KIAA1549L: variants seen among roughly 807,000 people sequenced by gnomAD.
KIAA1549L encodes UPF0606 protein KIAA1549L.
In KIAA1549L, 88 loss-of-function variants were observed where a neutral mutation model predicts 160.7. The observed-to-expected ratio is 0.55, with a 90% CI of 0.46 to 0.65. The LOEUF (loss-of-function observed/expected upper bound fraction) is 0.65. Among genes scored for constraint, KIAA1549L ranks in the 30% least tolerant of loss-of-function variants. The pLI, the probability that KIAA1549L is intolerant of heterozygous loss-of-function variation, is 0.00. For synonymous variants in KIAA1549L, 950 were observed against 976.7 expected (o/e 0.97, Z 0.51); for missense variants, 2,258 against 2,437.5 (o/e 0.93, Z 1.55).
chr11:33,525,396 A>G (rs1189508885), intron 1 of KIAA1549L, among the ~76,000 whole-genome samples: 1 of 152,214 alleles, frequency 6.6e-6, no homozygotes, highest in Non-Finnish European at 1.5e-5. Context: ...AAGCAGCAGC[A>G]GGAAGAACCC....
intron 1 of KIAA1549L, among the ~76,000 whole-genome samples, chr11:33,399,656 C>G (rs745907792): frequency 6.6e-6 from 1 of 152,188 alleles, no homozygotes; most frequent in South Asian, 2.1e-4. Context: ...ATCTGTTCCC[C>G]CTCACCCTCC....
intron 1 of KIAA1549L, among the ~76,000 whole-genome samples, chr11:33,378,652 T>C (rs1336229064): frequency 6.6e-6 from 1 of 152,218 alleles, no homozygotes; most frequent in Non-Finnish European, 1.5e-5. Flanking sequence ...TCCTCTATGC[T>C]TTTTGGATGC....
rs952650510 is a variant in KIAA1549L, at chr11:33,394,395, AAAT to A, written c.238+17509_238+17511del. 2.4e-4 allele frequency among the ~76,000 whole-genome samples: 14 copies of A among 57,670 alleles called. 1 individual carries two copies. The Admixed American group carries it at 3.0e-3, about 13-fold the overall frequency. 37.8% of individuals were successfully genotyped at this position (57,670 alleles called of 152,430 possible). A position where few individuals can be genotyped will look rare whatever the true frequency, so the allele number is the denominator to read the frequency against. On this transcript the variant is annotated intron_variant, in intron 1 of 20. Coordinates refer to ENST00000658780, the MANE Select transcript of KIAA1549L (RefSeq NM_012194.3). Reference sequence around the variant, plus strand: ...AGCCAGATCCTAACTCATAAATAATAAATAAATAAATAAATAAATAAATAAACA... The same window carrying A: ...AGCCAGATCCTAACTCATAAATAATAAAATAAATAAATAAATAAATAAACA...
At chr11:33,584,057 AT>A (rs1392189868) in intron 11 of KIAA1549L, among the ~76,000 whole-genome samples, 1 of 152,190 alleles carries the variant, frequency 6.6e-6, no homozygotes, top group South Asian at 2.1e-4. Context: ...AATGAGATTA[AT>A]GCCCTTAGAA....
intron 10 of KIAA1549L, among the ~76,000 whole-genome samples, chr11:33,582,784 C>T (rs983138645): frequency 2.0e-5 from 3 of 152,162 alleles, no homozygotes; most frequent in Non-Finnish European, 2.9e-5. Flanking sequence ...TGAGAACAGC[C>T]TGAGTCTTTT....
chr11:33,608,289 G>A (rs1850560145), intron 14 of KIAA1549L, among the ~76,000 whole-genome samples: 1 of 152,152 alleles, frequency 6.6e-6, no homozygotes, highest in Non-Finnish European at 1.5e-5. Flanking sequence ...CACACAATAA[G>A]CACTTTGATG....
intron 1 of KIAA1549L, among the ~76,000 whole-genome samples, chr11:33,395,666 TG>T (rs565468871): frequency 1.4e-4 from 22 of 152,082 alleles, no homozygotes; most frequent in Non-Finnish European, 5.9e-5. Flanking sequence ...ACTGCTAGGG[TG>T]AAAAAAACAG....
intron 15 of KIAA1549L, among the ~76,000 whole-genome samples, chr11:33,617,710 G>C (rs1401202274): frequency 6.6e-6 from 1 of 152,178 alleles, no homozygotes; most frequent in Non-Finnish European, 1.5e-5. Flanking sequence ...GCCATAATCT[G>C]TTTTGTTCAC....
chr11:33,459,883 C>T (rs1851905431), intron 1 of KIAA1549L, among the ~76,000 whole-genome samples: 1 of 142,892 alleles, frequency 7.0e-6, no homozygotes, highest in Admixed American at 7.2e-5. Flanking sequence ...ATGGCGTGAA[C>T]CCGGGAGGCA....
chr11:33,556,356 A>C (rs551809484), intron 6 of KIAA1549L, among the ~76,000 whole-genome samples: 1 of 152,336 alleles, frequency 6.6e-6, no homozygotes, highest in East Asian at 1.9e-4. Context: ...GTATTTATAC[A>C]CCCATGTTCA....
At chr11:33,591,612 G>T (rs559592414) in intron 12 of KIAA1549L, among the ~76,000 whole-genome samples, 191 bp downstream of exon 12, 1 of 152,342 alleles carries the variant, frequency 6.6e-6, no homozygotes, top group South Asian at 2.1e-4. Flanking sequence ...GCTACGCTTT[G>T]TAAGGTTTTA....
intron 1 of KIAA1549L, among the ~76,000 whole-genome samples, chr11:33,492,008 G>T (rs1368997052): frequency 1.3e-5 from 2 of 152,122 alleles, no homozygotes; most frequent in Non-Finnish European, 2.9e-5. Flanking sequence ...CCTTTTTGTG[G>T]GTTACCAACC....
chr11:33,665,399 G>C (rs761895988), intron 20 of KIAA1549L: 4 of 152,092 alleles, frequency 2.6e-5, no homozygotes, highest in Non-Finnish European at 4.4e-5. Flanking sequence ...TCTCAGCAGA[G>C]AGGAGGCCCT....
intron 1 of KIAA1549L, among the ~76,000 whole-genome samples, chr11:33,485,489 T>C (rs113753455): frequency 9.8e-5 from 15 of 152,322 alleles, no homozygotes; most frequent in Non-Finnish European, 2.2e-4. Context: ...ATTTATTTTT[T>C]AATTGGCAAA....
At chr11:33,606,858 G>T (rs551804099) in intron 14 of KIAA1549L, 36 bp downstream of exon 14, 12 of 1,534,874 alleles carry the variant, frequency 7.8e-6, no homozygotes, top group Non-Finnish European at 1.1e-5. Context: ...GAGATGGTCC[G>T]GCCAGACTTG....
chr11:33,473,935 G>T (rs929031208), intron 1 of KIAA1549L, among the ~76,000 whole-genome samples: 1 of 152,164 alleles, frequency 6.6e-6, no homozygotes, highest in Non-Finnish European at 1.5e-5. Context: ...GGTTCTGCGG[G>T]CTGTACAAGC....
At chr11:33,383,681 G>A (rs933924285) in intron 1 of KIAA1549L, among the ~76,000 whole-genome samples, 2 of 152,158 alleles carry the variant, frequency 1.3e-5, no homozygotes, top group Non-Finnish European at 2.9e-5. Flanking sequence ...ACTCGGGCAG[G>A]TGTGGTGGCA....
At chr11:33,438,224 T>C (rs1262480792) in intron 1 of KIAA1549L, among the ~76,000 whole-genome samples, 1 of 152,208 alleles carries the variant, frequency 6.6e-6, no homozygotes, top group Non-Finnish European at 1.5e-5. Flanking sequence ...AAACTGGTGG[T>C]TTACTGACTC....
chr11:33,571,853 G>T (rs558379939), intron 9 of KIAA1549L, among the ~76,000 whole-genome samples: 1 of 152,122 alleles, frequency 6.6e-6, no homozygotes, highest in East Asian at 1.9e-4. Context: ...AATCGGTTTG[G>T]GCAAGGCTGC....
Sources: allele counts gnomAD v4.1 joint callset (sites outside exome capture counted in the v4.1 genomes callset), GRCh38; gene constraint gnomAD v4.1.1; transcripts MANE v1.5; gene names NCBI Gene and HGNC (gene_info 2026-07-23, HGNC 2026-07-21).